Variants in VPS13B observed in about 807,000 individuals in gnomAD.
VPS13B encodes intermembrane lipid transfer protein VPS13B.
A neutral mutation model predicts 426.4 loss-of-function variants in VPS13B; 285 were observed. The ratio of observed to expected loss-of-function variants is 0.67; its 90% CI spans 0.61 to 0.74. The LOEUF is 0.74. VPS13B is among the 30% of genes least tolerant of loss of function. The pLI, the probability that VPS13B is intolerant of heterozygous loss-of-function variation, is 0.00. For synonymous variants in VPS13B, 1,676 were observed against 1,676.4 expected (o/e 1.00, Z 0.01); for missense variants, 4,537 against 4,782.6 (o/e 0.95, Z 1.51).
intron 40 of VPS13B, 73 bp downstream of exon 40, chr8:99,767,043 A>T: frequency 2.1e-6 from 3 of 1,447,530 alleles, no homozygotes; most frequent in Non-Finnish European, 2.9e-6. Context: ...CTATCTAGTG[A>T]CCCCTCACTT....
intron 3 of VPS13B, among the ~76,000 whole-genome samples, chr8:99,067,273 GA>G (rs1216177641): frequency 6.6e-6 from 1 of 152,162 alleles, no homozygotes; most frequent in Non-Finnish European, 1.5e-5. Context: ...ACTGGATTAA[GA>G]AAATGTGGCA....
chr8:99,122,470 C>T (rs946079602), intron 8 of VPS13B, among the ~76,000 whole-genome samples: 1 of 151,756 alleles, frequency 6.6e-6, no homozygotes, highest in East Asian at 1.9e-4. Flanking sequence ...ATCCCAGTAC[C>T]CCTGCACTTC....
chr8:99,740,867 T>A (rs200946877), intron 39 of VPS13B, among the ~76,000 whole-genome samples: 9,688 of 151,644 alleles, frequency 0.064, 430 homozygotes, highest in African/African-American at 0.13. Context: ...CACTGCAAAA[T>A]CATGCCAAAT....
At chr8:99,468,392 T>C (rs1192254796) in intron 24 of VPS13B, among the ~76,000 whole-genome samples, 1 of 152,136 alleles carries the variant, frequency 6.6e-6, no homozygotes, top group Non-Finnish European at 1.5e-5. Context: ...AATTACAAGA[T>C]ACAGCATGAT....
intron 33 of VPS13B, among the ~76,000 whole-genome samples, chr8:99,585,301 T>C (rs1326083304): frequency 6.6e-6 from 1 of 152,106 alleles, no homozygotes; most frequent in African/African-American, 2.4e-5. Flanking sequence ...TGGTATGACA[T>C]AGAAGAAATG....
chr8:99,375,248 C>T (rs1813418071), intron 19 of VPS13B, among the ~76,000 whole-genome samples: 2 of 152,192 alleles, frequency 1.3e-5, no homozygotes, highest in Admixed American at 6.5e-5. Context: ...ACTTTCTTCT[C>T]CTTATCCTAC....
At chr8:99,477,564 T>C (rs975620417) in intron 24 of VPS13B, among the ~76,000 whole-genome samples, 1 of 152,228 alleles carries the variant, frequency 6.6e-6, no homozygotes, top group African/African-American at 2.4e-5. Context: ...TTTATGGAAA[T>C]AATTCCTACT....
At chr8:99,178,389 G>T (rs1248949416) in intron 16 of VPS13B, among the ~76,000 whole-genome samples, 1 of 148,214 alleles carries the variant, frequency 6.7e-6, no homozygotes. Flanking sequence ...AGTGACAGAA[G>T]AAAATTTCTA....
chr8:99,043,700 A>G (rs570257601), intron 3 of VPS13B, among the ~76,000 whole-genome samples: 5 of 151,830 alleles, frequency 3.3e-5, no homozygotes, highest in South Asian at 2.1e-4. Flanking sequence ...TTTTTTTCCA[A>G]TTGAAGTTCA....
intron 13 of VPS13B, among the ~76,000 whole-genome samples, chr8:99,143,380 C>T (rs2132582185): frequency 6.6e-6 from 1 of 152,046 alleles, no homozygotes; most frequent in South Asian, 2.1e-4. Flanking sequence ...CTTTATTTGC[C>T]AGTATTTGTC....
intron 33 of VPS13B, among the ~76,000 whole-genome samples, chr8:99,623,184 G>C (rs917939420): frequency 2.6e-5 from 4 of 152,096 alleles, no homozygotes; most frequent in African/African-American, 4.8e-5. Context: ...TGACCTCCTT[G>C]CTGTTCCTTG....
At chr8:99,170,292 G>T (rs1159059944) in intron 16 of VPS13B, 129 bp downstream of exon 16, 3 of 1,179,956 alleles carry the variant, frequency 2.5e-6, no homozygotes, top group East Asian at 5.3e-5. Flanking sequence ...ATCTAAACTT[G>T]TACTTTTACT....
intron 17 of VPS13B, among the ~76,000 whole-genome samples, chr8:99,224,170 T>C (rs2132837495): frequency 6.6e-6 from 1 of 152,290 alleles, no homozygotes; most frequent in South Asian, 2.1e-4. Flanking sequence ...GTTGCATGAC[T>C]GAGATGTGCT....
intron 17 of VPS13B, among the ~76,000 whole-genome samples, chr8:99,249,683 A>G (rs1283183070): frequency 6.6e-6 from 1 of 152,016 alleles, no homozygotes; most frequent in Non-Finnish European, 1.5e-5. Context: ...TTGGCCTCCC[A>G]AAGTGCTGGG....
At chr8:99,698,022 G>A in intron 35 of VPS13B, 1 of 371,046 alleles carries the variant, frequency 2.7e-6, no homozygotes, top group Non-Finnish European at 5.2e-6. Flanking sequence ...AGCTAGAGCT[G>A]CTGGCCTAGC....
intron 4 of VPS13B, among the ~76,000 whole-genome samples, chr8:99,096,675 G>A (rs1417665141): frequency 6.6e-6 from 1 of 150,642 alleles, no homozygotes; most frequent in African/African-American, 2.4e-5. Context: ...AGAATCACTT[G>A]AACCTGGGAG....
At chr8:99,634,825 AT>A (rs1829007296) in intron 33 of VPS13B, among the ~76,000 whole-genome samples, 5 of 151,940 alleles carry the variant, frequency 3.3e-5, no homozygotes, top group African/African-American at 9.7e-5. Flanking sequence ...GCTTGCTAAG[AT>A]AAATTTCATC....
At chr8:99,106,153 C>T (rs1003356132) in intron 5 of VPS13B, among the ~76,000 whole-genome samples, 3 of 151,692 alleles carry the variant, frequency 2.0e-5, no homozygotes, top group African/African-American at 2.4e-5. Flanking sequence ...CATAGCTGGC[C>T]GGGTGTGGTG....
chr8:99,304,872 GCC>G (rs1176960514), intron 19 of VPS13B, among the ~76,000 whole-genome samples: 4 of 151,826 alleles, frequency 2.6e-5, no homozygotes, highest in Admixed American at 6.6e-5. Flanking sequence ...ATGTTTTACT[GCC>G]CCCCTCCCAA....
Sources: allele counts gnomAD v4.1 joint callset (sites outside exome capture counted in the v4.1 genomes callset), GRCh38; gene constraint gnomAD v4.1.1; transcripts MANE v1.5; gene names NCBI Gene and HGNC (gene_info 2026-07-23, HGNC 2026-07-21).